Variants in CENPQ observed in about 807,000 individuals in gnomAD.
The protein encoded by CENPQ is centromere protein Q.
In CENPQ, 27 loss-of-function variants were observed where a neutral mutation model predicts 36.6. The ratio of observed to expected loss-of-function variants is 0.74; its 90% CI spans 0.54 to 1.02. CENPQ has a LOEUF of 1.02. CENPQ is among the 50% of genes least tolerant of loss of function. The pLI is 0.00. For synonymous variants in CENPQ, 101 were observed against 101.7 expected, an observed-to-expected ratio of 0.99 and a Z score of 0.04; for missense variants, 306 against 301.8, an observed-to-expected ratio of 1.01 and a Z score of -0.10.
At chr6:49,483,232 G>T in intron 6 of CENPQ, among the ~76,000 whole-genome samples, 1 of 152,146 alleles carries the variant, frequency 6.6e-6, no homozygotes, top group Non-Finnish European at 1.5e-5. Context: ...TAGACACAGG[G>T]TGCTGATTGG....
intron 5 of CENPQ, among the ~76,000 whole-genome samples, chr6:49,474,868 T>C (rs1369003981): frequency 2.0e-5 from 3 of 152,100 alleles, no homozygotes; most frequent in Non-Finnish European, 4.4e-5. Context: ...CATCAGAGAA[T>C]ACTATAAACA....
chr6:49,471,084 T>C (rs1269987197), intron 3 of CENPQ, 56 bp downstream of exon 3: 5 of 1,061,400 alleles, frequency 4.7e-6, no homozygotes, highest in Non-Finnish European at 5.2e-6. Flanking sequence ...TATATCTACA[T>C]TCGTGAAAAA....
At chr6:49,475,286 C>T (rs922690585) in intron 5 of CENPQ, among the ~76,000 whole-genome samples, 11 of 151,916 alleles carry the variant, frequency 7.2e-5, no homozygotes, top group African/African-American at 1.9e-4. Context: ...CATCAATAAA[C>T]GTAATCCAGC....
chr6:49,471,986 A>G, intron 3 of CENPQ, 77 bp from the exon 4 acceptor site: 1 of 1,447,366 alleles, frequency 6.9e-7, no homozygotes, highest in Admixed American at 2.4e-5. Context: ...GCTTTTTTAG[A>G]TGAAAACATT....
At chr6:49,467,568 G>T (rs956934901) in intron 1 of CENPQ, among the ~76,000 whole-genome samples, 2 of 152,146 alleles carry the variant, frequency 1.3e-5, no homozygotes, top group Non-Finnish European at 2.9e-5. Flanking sequence ...TTATGATAAG[G>T]TTCAATGTGC....
rs372696964 is a variant in CENPQ, at chr6:49,492,319, G to A, written c.*44G>A. On this transcript the variant is annotated 3_prime_UTR_variant, in exon 9 of 9. Coordinates refer to ENST00000335783, the MANE Select transcript of CENPQ (RefSeq NM_018132.4). ...ATTGTTCCATATTAATTTAATGTTC[G>A]TGAATTTGTAAAACTGTTAACCTAT... is the stretch of plus-strand genomic sequence containing the variant. 25 of 1,505,304 alleles carry A rather than the reference G, an allele frequency of 1.7e-5. No individual in the cohort carries two copies. The highest frequency in any genetic ancestry group is 5.1e-5 in the South Asian group (4 of 78,868). 93.2% of individuals were successfully genotyped at this position (1,505,304 alleles called of 1,614,324 possible).
intron 5 of CENPQ, among the ~76,000 whole-genome samples, chr6:49,474,788 G>T (rs1351908986): frequency 6.6e-6 from 1 of 151,772 alleles, no homozygotes; most frequent in African/African-American, 2.4e-5. Context: ...AAAGAGAGAA[G>T]AATCAAATAG....
At chr6:49,490,118 T>C (rs1318972320) in intron 8 of CENPQ, among the ~76,000 whole-genome samples, 3 of 152,242 alleles carry the variant, frequency 2.0e-5, no homozygotes, top group Non-Finnish European at 4.4e-5. Context: ...CTTTTCCAAC[T>C]ATCAAAGTCC....
intron 8 of CENPQ, among the ~76,000 whole-genome samples, chr6:49,490,511 C>T (rs1768695897): frequency 6.6e-6 from 1 of 152,198 alleles, no homozygotes; most frequent in Admixed American, 6.5e-5. Context: ...GTTTTGCTTT[C>T]TCATTATTCA....
intron 6 of CENPQ, 23 bp from the exon 7 acceptor site, chr6:49,488,329 T>C: frequency 1.3e-6 from 2 of 1,547,378 alleles, no homozygotes; most frequent in African/African-American, 1.4e-5. Context: ...AGTTAAAATG[T>C]TTTTTTTCTC....
In CENPQ at chr6:49,486,350, C is replaced by T. The variant is rs566665436; in HGVS notation, c.478-2002C>T. Among the ~76,000 whole-genome samples, 13 of 152,276 alleles carry T rather than the reference C, an allele frequency of 8.5e-5. No homozygotes were observed. In the South Asian group the frequency reaches 1.7e-3, roughly 19 times the overall value. ...AGCCAAGTAGGTGGTACAGCAGCCACGGGAAACTAATATATGTGGTTTGCT... is the reference window on the plus strand; with the variant it reads ...AGCCAAGTAGGTGGTACAGCAGCCATGGGAAACTAATATATGTGGTTTGCT... On this transcript the variant is annotated intron_variant, in intron 6 of 8. Transcript: ENST00000335783.
At chr6:49,472,695 G>T (rs1384046974) in intron 4 of CENPQ, 95 bp from the exon 5 acceptor site, 1 of 988,678 alleles carries the variant, frequency 1.0e-6, no homozygotes, top group African/African-American at 1.7e-5. Context: ...GGCTAGTGGG[G>T]AGGGGTACTT....
chr6:49,491,862 C>T (rs1768728284), intron 8 of CENPQ, among the ~76,000 whole-genome samples: 1 of 152,202 alleles, frequency 6.6e-6, no homozygotes, highest in Middle Eastern at 3.4e-3. Flanking sequence ...TTGCAGTGAG[C>T]CAGGACTGCG....
intron 1 of CENPQ, among the ~76,000 whole-genome samples, chr6:49,464,239 AC>A (rs1438699460): frequency 2.0e-5 from 3 of 152,160 alleles, no homozygotes; most frequent in Non-Finnish European, 2.9e-5. Context: ...CTGTATTGTA[AC>A]CTATTAAGTG....
At chr6:49,487,168 A>AAAAAAAAAAAAGATGGTCCTGAGGTG (rs541811843) in intron 6 of CENPQ, among the ~76,000 whole-genome samples, 1 of 72,214 alleles carries the variant, frequency 1.4e-5, no homozygotes, top group African/African-American at 4.7e-5. Context: ...AAAAAAAAAA[A>AAAAAAAAAAAAGATGGTCCTGAGGTG]ATAAAAAAAA....
intron 8 of CENPQ, among the ~76,000 whole-genome samples, chr6:49,491,510 T>C (rs188530267): frequency 2.6e-5 from 4 of 152,334 alleles, no homozygotes; most frequent in South Asian, 2.1e-4. Flanking sequence ...CCTTATAAAA[T>C]AGTACTGTCT....
chr6:49,487,454 T>TAAAAAAAA (rs759527083), intron 6 of CENPQ, among the ~76,000 whole-genome samples: 24 of 93,284 alleles, frequency 2.6e-4, no homozygotes, highest in East Asian at 1.2e-3. Context: ...TACCCTTTCT[T>TAAAAAAAA]AAAAAAAAAA....
At chr6:49,473,632 C>A (rs1040445831) in intron 5 of CENPQ, among the ~76,000 whole-genome samples, 6 of 152,118 alleles carry the variant, frequency 3.9e-5, no homozygotes, top group Non-Finnish European at 7.4e-5. Flanking sequence ...AAATAACCAG[C>A]TAATATCATA....
intron 2 of CENPQ, among the ~76,000 whole-genome samples, chr6:49,470,571 G>T (rs192771009): frequency 3.4e-5 from 5 of 145,264 alleles, no homozygotes; most frequent in African/African-American, 1.3e-4. Flanking sequence ...GCAGTGAACC[G>T]AGTTTGTGCC....
Sources: gnomAD v4.1 joint callset for allele counts (sites outside exome capture counted in the v4.1 genomes callset) on GRCh38, gnomAD v4.1.1 for gene constraint, MANE v1.5 for transcripts, NCBI Gene and HGNC (gene_info 2026-07-23, HGNC 2026-07-21) for gene names.